TICRR: variants seen among roughly 807,000 people sequenced by gnomAD.
TICRR encodes treslin.
In TICRR, 132 loss-of-function variants were observed where a neutral mutation model predicts 178.1. The observed-to-expected ratio is 0.74, with a 90% CI of 0.64 to 0.86. The LOEUF (loss-of-function observed/expected upper bound fraction) is 0.86, where lower values mean the gene tolerates loss of function less well. Ranked by LOEUF, TICRR falls within the 40% of genes least tolerant of loss-of-function variation. The pLI is 0.00. For missense variants in TICRR, 2,587 were observed against 2,334.3 expected (o/e 1.11, Z -2.23); for synonymous variants, 991 against 900.7 (o/e 1.10, Z -1.79).
At position 89,625,972 on chromosome 15, in the gene TICRR, G is replaced by T. The variant is rs537483501; in HGVS notation, c.5513G>T (p.Cys1838Phe). 3 of 1,602,650 alleles carry T rather than the reference G, an allele frequency of 1.9e-6. No homozygotes were observed. The South Asian group carries it at 3.4e-5, about 18-fold the overall frequency. The change falls in exon 21 of 22, where the codon TGC (cysteine) becomes TTC (phenylalanine). Residue 1838 changes from cysteine to phenylalanine, a missense_variant. By Grantham distance (205) the Cys-to-Phe change is radical. Transcript: ENST00000268138. ...TPPPSCAVRS[C>F]LSASALQALT... ...CCTCCCAGCTGTGCCGTGCGGAGCT[G>T]CCTCTCTGCCAGTGCCCTCCAGGCT...
chr15:89,579,490 C>A (rs1172111026), intron 1 of TICRR, among the ~76,000 whole-genome samples: 1 of 152,018 alleles, frequency 6.6e-6, no homozygotes, highest in Non-Finnish European at 1.5e-5. Flanking sequence ...GGATTACAGG[C>A]GCTTGCCACC....
rs779651052 is a variant in TICRR, at chr15:89,576,155, A to T, written c.569A>T (p.Glu190Val). The T allele has an allele frequency of 3.8e-5, 61 of 1,606,212 alleles. No individual in the cohort carries two copies. In the East Asian group the frequency reaches 1.3e-3, roughly 35 times the overall value. The change falls in exon 1 of 22, where the codon GAG (glutamate) becomes GTG (valine). Residue 190 changes from glutamate (E) to valine (V), a missense_variant. By Grantham distance (121) the Glu-to-Val change is moderately radical. Coordinates refer to ENST00000268138, the MANE Select transcript of TICRR (RefSeq NM_152259.4). ...CCGCCCACCCCTAAGCAGGTGATGG[A>T]GAAGTTGTTGCCCAAGAGAGTCCGG... ...RLPPTPKQVMEKLLPKRVREV... is the reference protein window; with the variant it reads ...RLPPTPKQVMVKLLPKRVREV...
Position 89,624,025 on chromosome 15 carries a change from G to C in TICRR, c.3715G>C (p.Glu1239Gln), listed in dbSNP as rs760864308. 51 of 1,613,800 alleles carry C rather than the reference G, an allele frequency of 3.2e-5. 1 individual carries two copies. Among genetic ancestry groups the C allele is most frequent in the Admixed American group, 1.3e-4 (8 of 59,984 alleles). ...TTCATCGACTGCCCAGCCCAGGAGA[G>C]AGTGTCTCACTCCCATCAGAGACCC... Reference protein sequence around the residue: ...PTSSTAQPRRECLTPIRDPLR... With the variant: ...PTSSTAQPRRQCLTPIRDPLR... Residue 1239 changes from glutamate to glutamine, a missense_variant, in exon 20 of 22, where the codon GAG becomes CAG. By Grantham distance (29) the Glu-to-Gln change is conservative. Coordinates refer to ENST00000268138, the MANE Select transcript of TICRR (RefSeq NM_152259.4).
chr15:89,626,176 G>C, intron 21 of TICRR, 115 bp downstream of exon 21: 1 of 1,207,794 alleles, frequency 8.3e-7, no homozygotes, highest in Non-Finnish European at 1.2e-6. Flanking sequence ...TGTGGGATAG[G>C]TGACTTCGCG....
chr15:89,584,310 G>T lies in TICRR; in HGVS notation c.959G>T (p.Trp320Leu). The change falls in exon 3 of 22, where the codon TGG becomes TTG. Residue 320 changes from tryptophan to leucine, a missense_variant. By Grantham distance (61) the Trp-to-Leu change is moderately conservative. Transcript: ENST00000268138. ...GCAGGCAAAGAGATTCAAGAAACATGGACAGTCACCCTAGAGCCCTTGGCC... is the reference window on the plus strand; with the variant it reads ...GCAGGCAAAGAGATTCAAGAAACATTGACAGTCACCCTAGAGCCCTTGGCC... ...VEAGKEIQET[W>L]TVTLEPLAMH... 1 of 1,611,838 alleles carries T rather than the reference G, an allele frequency of 6.2e-7. No individual in the cohort carries two copies. The highest frequency in any genetic ancestry group is 8.5e-7 in the Non-Finnish European group (1 of 1,178,890).
chr15:89,586,958 A>G (rs997023303), intron 4 of TICRR, among the ~76,000 whole-genome samples: 24 of 152,332 alleles, frequency 1.6e-4, no homozygotes, highest in Middle Eastern at 3.4e-3. Context: ...TTTTAACAGC[A>G]TTACTCTGGC....
chr15:89,616,516 GGC>G (rs1426048521), intron 16 of TICRR, 21 bp downstream of exon 16: 3 of 1,608,444 alleles, frequency 1.9e-6, no homozygotes, highest in Non-Finnish European at 2.6e-6. Context: ...TCCCCATCCG[GGC>G]TTCTTCATAC....
intron 2 of TICRR, 86 bp from the exon 3 acceptor site, chr15:89,584,200 T>C (rs1356974892): frequency 1.6e-6 from 2 of 1,288,304 alleles, no homozygotes; most frequent in Non-Finnish European, 2.1e-6. Flanking sequence ...TAAATCTCTT[T>C]TTAGTATCTA....
chr15:89,578,381 G>C (rs555580991), intron 1 of TICRR, among the ~76,000 whole-genome samples: 1 of 152,232 alleles, frequency 6.6e-6, no homozygotes, highest in African/African-American at 2.4e-5. Flanking sequence ...AGGCAGCAGT[G>C]GTTTGTCAAG....
At chr15:89,581,767 T>C (rs1180862863) in intron 1 of TICRR, among the ~76,000 whole-genome samples, 1 of 152,184 alleles carries the variant, frequency 6.6e-6, no homozygotes, top group Non-Finnish European at 1.5e-5. Context: ...CCTTTCAGAA[T>C]TTCAGAGAAG....
Position 89,619,718 on chromosome 15 carries a change from G to A in TICRR, c.3030G>A (p.Leu1010=). Reference sequence around the variant, plus strand: ...GTTCTGATTTTACAGAAATAAGTCTGAGACGAAGTCCTCGAATCAAGCAGT... The same window carrying A: ...GTTCTGATTTTACAGAAATAAGTCTAAGACGAAGTCCTCGAATCAAGCAGT... ...ESPEKGDEIS[L]RRSPRIKQLS... is the part of the protein sequence containing the mutation. Residue 1010 remains leucine (L), a synonymous_variant, in exon 18 of 22, where the codon CTG becomes CTA. Coordinates refer to ENST00000268138, the MANE Select transcript of TICRR (RefSeq NM_152259.4). 1 of 1,610,490 alleles carries A rather than the reference G, an allele frequency of 6.2e-7. No homozygotes were observed.
intron 7 of TICRR, among the ~76,000 whole-genome samples, chr15:89,597,566 C>G (rs1466076422): frequency 6.6e-6 from 1 of 151,446 alleles, no homozygotes; most frequent in Admixed American, 6.6e-5. Context: ...TTATGTAGGT[C>G]TATTTCCAGG....
At chr15:89,603,388 A>T (rs1160825173) in intron 13 of TICRR, among the ~76,000 whole-genome samples, 1 of 152,164 alleles carries the variant, frequency 6.6e-6, no homozygotes, top group Non-Finnish European at 1.5e-5. Context: ...ACCAGCCTGG[A>T]CAACATAGCG....
intron 7 of TICRR, among the ~76,000 whole-genome samples, chr15:89,596,300 TA>T (rs1410584926): frequency 2.0e-5 from 3 of 152,192 alleles, no homozygotes; most frequent in Non-Finnish European, 4.4e-5. Context: ...TCTCTCTCTT[TA>T]ATTGCTCAAT....
At chr15:89,611,770 G>A (rs1278220849) in intron 15 of TICRR, among the ~76,000 whole-genome samples, 2 of 151,884 alleles carry the variant, frequency 1.3e-5, no homozygotes, top group Non-Finnish European at 2.9e-5. Flanking sequence ...GACCCTTCTA[G>A]TTAGTTTTTT....
chr15:89,579,624 G>C (rs1055262993), intron 1 of TICRR: 1 of 152,182 alleles, frequency 6.6e-6, no homozygotes, highest in Non-Finnish European at 1.5e-5. Context: ...GGGATTACAG[G>C]CTGTTATTTT....
At chr15:89,593,357 G>C (rs1962944680) in intron 5 of TICRR, among the ~76,000 whole-genome samples, 1 of 152,044 alleles carries the variant, frequency 6.6e-6, no homozygotes, top group Non-Finnish European at 1.5e-5. Flanking sequence ...TTATCTCTAA[G>C]TATTTTTATG....
intron 4 of TICRR, among the ~76,000 whole-genome samples, chr15:89,591,316 G>A (rs1405553094): frequency 6.6e-6 from 1 of 152,078 alleles, no homozygotes; most frequent in Non-Finnish European, 1.5e-5. Context: ...TAGAGACGGG[G>A]TTTTGCCATG....
chr15:89,595,774 A>G (rs1289014037), intron 7 of TICRR, among the ~76,000 whole-genome samples, 163 bp downstream of exon 7: 1 of 152,220 alleles, frequency 6.6e-6, no homozygotes, highest in African/African-American at 2.4e-5. Flanking sequence ...TTTATGATCT[A>G]GCTACAAAGA....
Sources: allele counts gnomAD v4.1 joint callset (sites outside exome capture counted in the v4.1 genomes callset), GRCh38; gene constraint gnomAD v4.1.1; transcripts MANE v1.5; gene names NCBI Gene and HGNC (gene_info 2026-07-23, HGNC 2026-07-21).